TAFA5: variants seen among roughly 807,000 people sequenced by gnomAD.
TAFA5 encodes the protein chemokine-like protein TAFA-5.
TAFA5 carries 6 observed loss-of-function variants against 15.3 expected under a neutral mutation model. The ratio of observed to expected loss-of-function variants is 0.39; its 90% CI spans 0.21 to 0.77. The LOEUF (loss-of-function observed/expected upper bound fraction) is 0.77, where lower values mean the gene tolerates loss of function less well. Among genes scored for constraint, TAFA5 ranks in the 30% least tolerant of loss-of-function variants. The pLI is 0.41. For synonymous variants in TAFA5, 103 were observed against 80.7 expected (o/e 1.28, Z -1.48); for missense variants, 161 against 193.1 (o/e 0.83, Z 0.98).
At chr22:48,698,146 A>G (rs552180180) in intron 2 of TAFA5, among the ~76,000 whole-genome samples, 1 of 145,594 alleles carries the variant, frequency 6.9e-6, no homozygotes, top group East Asian at 2.1e-4. Flanking sequence ...TGATTATGTG[A>G]TGGTGATGAT....
chr22:48,651,161 G>A lies in TAFA5; in HGVS notation c.262+4415G>A, dbSNP rs1452864590. 2.0e-5 allele frequency among the ~76,000 whole-genome samples: 3 copies of A among 152,232 alleles called. No individual in the cohort carries two copies. In the East Asian group the frequency reaches 5.8e-4, roughly 29 times the overall value. ...AAATCAAAGACTGCAGCCCAGTAGC[G>A]GGGGCAGCAGAGGGTGGTGGTTTGT... On this transcript the variant is annotated intron_variant, in intron 2 of 3. Transcript: ENST00000402357.
At chr22:48,569,408 G>A (rs146513855) in intron 1 of TAFA5, among the ~76,000 whole-genome samples, 62 of 152,278 alleles carry the variant, frequency 4.1e-4, no homozygotes, top group Middle Eastern at 3.4e-3. Flanking sequence ...GGGTGTCTCC[G>A]GGGGGTCTGG....
At chr22:48,630,773 T>C (rs545229350) in intron 1 of TAFA5, among the ~76,000 whole-genome samples, 24 of 149,496 alleles carry the variant, frequency 1.6e-4, no homozygotes, top group African/African-American at 5.7e-4. Context: ...CTCCAGGCGC[T>C]GGGGAAGGAA....
At chr22:48,631,150 G>A (rs912982194) in intron 1 of TAFA5, among the ~76,000 whole-genome samples, 7 of 152,214 alleles carry the variant, frequency 4.6e-5, no homozygotes, top group African/African-American at 7.2e-5. Flanking sequence ...TCAGGGGACC[G>A]GGGCTGGGAT....
intron 2 of TAFA5, among the ~76,000 whole-genome samples, chr22:48,648,598 T>C (rs1349549500): frequency 6.6e-6 from 1 of 152,076 alleles, no homozygotes; most frequent in Non-Finnish European, 1.5e-5. Flanking sequence ...CCCAGTACTA[T>C]GGGAGGCTGA....
rs111617840 is a variant in TAFA5, at chr22:48,550,924, G to A, written c.112+61220G>A. On this transcript the variant is annotated intron_variant, in intron 1 of 3. Coordinates refer to ENST00000402357, the MANE Select transcript of TAFA5 (RefSeq NM_001082967.3). This position sits in a 1 kb window ranked among gnomAD's most constrained non-coding sequence, Gnocchi z 4.1. ...CATTCCTAGTCCTGCTTGGGGCATCGTAAGATGGGCTGCTGTGGTGTCCCC... is the reference window on the plus strand; with the variant it reads ...CATTCCTAGTCCTGCTTGGGGCATCATAAGATGGGCTGCTGTGGTGTCCCC... 0.015 allele frequency among the ~76,000 whole-genome samples: 2,283 copies of A among 151,978 alleles called. 18 individuals are homozygous for A. The highest frequency in any genetic ancestry group is 0.037 in the Middle Eastern group (11 of 294).
intron 2 of TAFA5, among the ~76,000 whole-genome samples, chr22:48,687,696 A>G (rs1381433405): frequency 1.3e-5 from 2 of 152,122 alleles, no homozygotes; most frequent in Admixed American, 6.5e-5. Context: ...TCCCAGTGAC[A>G]GATCCACAAC....
intron 1 of TAFA5, chr22:48,576,575 A>G (rs746461307): frequency 4.1e-6 from 6 of 1,477,330 alleles, no homozygotes; most frequent in Middle Eastern, 3.6e-4. Context: ...AAAGAAGGTA[A>G]TTGTCCCCGG....
chr22:48,666,503 A>AAGCAATACTGAGGCCTG (rs1483343493), intron 2 of TAFA5, among the ~76,000 whole-genome samples: 2 of 149,618 alleles, frequency 1.3e-5, no homozygotes, highest in Non-Finnish European at 3.0e-5. Context: ...ACTGAGGCCC[A>AAGCAATACTGAGGCCTG]TGACCAGGCG....
chr22:48,699,849 A>G (rs1184054529), intron 2 of TAFA5, among the ~76,000 whole-genome samples: 2 of 152,176 alleles, frequency 1.3e-5, no homozygotes, highest in African/African-American at 4.8e-5. Flanking sequence ...AGACGGGGAG[A>G]GGGAAGGCGG....
At chr22:48,543,154 T>C (rs1234086687) in intron 1 of TAFA5, among the ~76,000 whole-genome samples, 3 of 151,998 alleles carry the variant, frequency 2.0e-5, no homozygotes, top group African/African-American at 7.3e-5. Flanking sequence ...TCTGAACATC[T>C]CCTGGGGAGC....
intron 2 of TAFA5, among the ~76,000 whole-genome samples, chr22:48,676,969 G>A (rs925135252): frequency 1.3e-4 from 20 of 152,208 alleles, no homozygotes; most frequent in Non-Finnish European, 2.6e-4. Context: ...GCTCCCAGGG[G>A]CAGCCCTGGG....
chr22:48,694,795 T>G, intron 2 of TAFA5, among the ~76,000 whole-genome samples: 1 of 28,662 alleles, frequency 3.5e-5, no homozygotes, highest in East Asian at 2.0e-3. Flanking sequence ...CCCCCACCGC[T>G]CCAGACCTCC....
chr22:48,707,404 G>A (rs1167479862), intron 2 of TAFA5, among the ~76,000 whole-genome samples: 1 of 152,208 alleles, frequency 6.6e-6, no homozygotes, highest in East Asian at 1.9e-4. Flanking sequence ...ACAAGAGACA[G>A]TGAGGCAGCC....
chr22:48,660,613 T>G (rs567703457), intron 2 of TAFA5, among the ~76,000 whole-genome samples: 1 of 152,258 alleles, frequency 6.6e-6, no homozygotes, highest in Non-Finnish European at 1.5e-5. Flanking sequence ...GGAGAACAGC[T>G]GCATGTCCCA....
At chr22:48,561,510 C>G (rs1923228942) in intron 1 of TAFA5, among the ~76,000 whole-genome samples, 1 of 152,208 alleles carries the variant, frequency 6.6e-6, no homozygotes, top group Non-Finnish European at 1.5e-5. Context: ...AGCCTGACCT[C>G]TCTGTGGAGG....
intron 1 of TAFA5, among the ~76,000 whole-genome samples, chr22:48,524,864 A>G (rs1921726241): frequency 6.6e-6 from 1 of 152,124 alleles, no homozygotes; most frequent in African/African-American, 2.4e-5. Flanking sequence ...TTCTGCACCC[A>G]GGGCGTTCCT....
intron 2 of TAFA5, among the ~76,000 whole-genome samples, chr22:48,675,010 C>T (rs906700722): frequency 3.0e-4 from 46 of 151,444 alleles, no homozygotes; most frequent in Admixed American, 7.2e-4. Context: ...GGCGCGATCT[C>T]GGCTCACTGC....
chr22:48,513,876 G>GGCTT (rs1921312140), intron 1 of TAFA5, among the ~76,000 whole-genome samples: 1 of 152,214 alleles, frequency 6.6e-6, no homozygotes, highest in South Asian at 2.1e-4. Flanking sequence ...CCAAGAAGAG[G>GGCTT]GCTTGGCCTG....
Sources: gnomAD v4.1 joint callset for allele counts (sites outside exome capture counted in the v4.1 genomes callset) on GRCh38, gnomAD v4.1.1 for gene constraint, Gnocchi (gnomAD v3.1) non-coding constraint, MANE v1.5 for transcripts, NCBI Gene and HGNC (gene_info 2026-07-23, HGNC 2026-07-21) for gene names.